The following EPB41L3 variants were observed in gnomAD, a reference collection of about 807,000 sequenced individuals.
EPB41L3 encodes band 4.1-like protein 3.
A neutral mutation model predicts 127.1 loss-of-function variants in EPB41L3; 57 were observed. That is an observed-to-expected ratio of 0.45 (90% CI 0.36 to 0.56). The LOEUF (loss-of-function observed/expected upper bound fraction) is 0.56, where lower values mean the gene tolerates loss of function less well. EPB41L3 is among the 20% of genes least tolerant of loss of function. The pLI, the probability that EPB41L3 is intolerant of heterozygous loss-of-function variation, is 0.00. For synonymous variants in EPB41L3, 572 were observed against 549.5 expected, an observed-to-expected ratio of 1.04 and a Z score of -0.57; for missense variants, 1,273 against 1,372.2, an observed-to-expected ratio of 0.93 and a Z score of 1.14.
intron 9 of EPB41L3, among the ~76,000 whole-genome samples, chr18:5,425,609 T>C (rs894161876): frequency 1.3e-5 from 2 of 152,200 alleles, no homozygotes; most frequent in African/African-American, 4.8e-5. Flanking sequence ...TAGGTATTAA[T>C]AGTTTATTAA....
chr18:5,574,840 T>C (rs2094321761), intron 3 of EPB41L3, among the ~76,000 whole-genome samples: 1 of 152,156 alleles, frequency 6.6e-6, no homozygotes, highest in Non-Finnish European at 1.5e-5. Flanking sequence ...TCTCTTAGCT[T>C]GGTATCATTT....
At chr18:5,588,802 G>C (rs1007313921) in intron 3 of EPB41L3, among the ~76,000 whole-genome samples, 6 of 152,024 alleles carry the variant, frequency 3.9e-5, no homozygotes, top group African/African-American at 4.8e-5. Context: ...TAGGCTTTAT[G>C]ATGAGTTGAA....
chr18:5,499,628 G>C (rs745593449), intron 1 of EPB41L3, among the ~76,000 whole-genome samples: 4 of 151,750 alleles, frequency 2.6e-5, no homozygotes, highest in South Asian at 4.2e-4. Context: ...TTAGCCGGGC[G>C]TGGTGGCGGG....
rs148753525 is a variant in EPB41L3, at chr18:5,610,360, G to A, written c.-306+1980C>T. The A allele has an allele frequency of 5.4e-6, 5 of 922,654 alleles. No homozygotes were observed. The African/African-American group carries it at 8.9e-5, about 17-fold the overall frequency. The allele number at this position is 922,654 out of a possible 1,614,324, so 57.2% of individuals were successfully genotyped here. On this transcript the variant is annotated intron_variant, in intron 3 of 21. Transcript: ENST00000545076. Reference sequence around the variant, plus strand: ...GAAGCCACCCCACTGCCAATACAGTGGGAGTTAAGGAGAAAGTTTCTGTAG... The same window carrying A: ...GAAGCCACCCCACTGCCAATACAGTAGGAGTTAAGGAGAAAGTTTCTGTAG...
At chr18:5,407,808 C>T (rs1330692339) in intron 14 of EPB41L3, 72 bp from the exon 15 acceptor site, 1 of 1,447,476 alleles carries the variant, frequency 6.9e-7, no homozygotes, top group East Asian at 2.3e-5. Flanking sequence ...GAACTATGGT[C>T]TACATAGACT....
chr18:5,462,678 A>T (rs914140073), intron 3 of EPB41L3, among the ~76,000 whole-genome samples: 3 of 152,098 alleles, frequency 2.0e-5, no homozygotes, highest in Non-Finnish European at 4.4e-5. Flanking sequence ...CCTACTTCAA[A>T]GGTTAGTATC....
At chr18:5,491,706 C>CT (rs1399483923) in intron 1 of EPB41L3, among the ~76,000 whole-genome samples, 1 of 152,136 alleles carries the variant, frequency 6.6e-6, no homozygotes, top group Non-Finnish European at 1.5e-5. Flanking sequence ...TTTTCCAGCA[C>CT]TATAGGCATA....
chr18:5,415,707 CAATA>C (rs1483039995), intron 13 of EPB41L3, 107 bp downstream of exon 13: 12 of 1,163,016 alleles, frequency 1.0e-5, no homozygotes, highest in African/African-American at 1.5e-5. Flanking sequence ...TTGGCACAGA[CAATA>C]AATGAGGCTC....
At chr18:5,620,326 T>C (rs935341042) in intron 1 of EPB41L3, among the ~76,000 whole-genome samples, 1 of 152,194 alleles carries the variant, frequency 6.6e-6, no homozygotes, top group Non-Finnish European at 1.5e-5. Flanking sequence ...AACTGTATAC[T>C]ACAGAGACCA....
chr18:5,433,849 C>T (rs561476061), intron 7 of EPB41L3, 54 bp downstream of exon 7: 12 of 1,572,432 alleles, frequency 7.6e-6, no homozygotes, highest in Middle Eastern at 1.7e-4. Context: ...GGGTTGTGTG[C>T]GGGACACTCT....
chr18:5,462,195 T>C (rs528240246), intron 3 of EPB41L3, among the ~76,000 whole-genome samples: 18 of 152,346 alleles, frequency 1.2e-4, no homozygotes, highest in African/African-American at 4.3e-4. Context: ...CTACTTCTAA[T>C]ATTCATCTTA....
intron 14 of EPB41L3, among the ~76,000 whole-genome samples, chr18:5,409,762 A>C (rs868036893): frequency 1.3e-5 from 2 of 151,852 alleles, no homozygotes; most frequent in Non-Finnish European, 2.9e-5. Context: ...CAAAGTAAAA[A>C]CTAAATTCTG....
chr18:5,489,370 G>C (rs1477049042), intron 1 of EPB41L3, 176 bp from the exon 2 acceptor site: 1 of 634,938 alleles, frequency 1.6e-6, no homozygotes. Flanking sequence ...CACTGAGATG[G>C]GTGCCCACCA....
chr18:5,594,014 G>A (rs184974715), intron 3 of EPB41L3, among the ~76,000 whole-genome samples: 58 of 152,166 alleles, frequency 3.8e-4, no homozygotes, highest in African/African-American at 1.4e-3. Context: ...TGCAGTTAAC[G>A]CAATTATCAC....
intron 3 of EPB41L3, among the ~76,000 whole-genome samples, chr18:5,605,539 T>C (rs2094641255): frequency 6.6e-6 from 1 of 152,076 alleles, no homozygotes; most frequent in Non-Finnish European, 1.5e-5. Context: ...CCACCACACC[T>C]GGCTGATGTT....
At position 5,415,970 on chromosome 18, in the gene EPB41L3, TG is replaced by T; in HGVS notation, c.1914del (p.Phe638LeufsTer37). The T allele has an allele frequency of 6.2e-7, 1 of 1,613,884 alleles. No individual in the cohort carries two copies. On this transcript the variant is annotated frameshift_variant, in exon 13 of 23. Coordinates refer to ENST00000341928, the MANE Select transcript of EPB41L3 (RefSeq NM_012307.5). LOFTEE classifies it high-confidence loss of function. Reference protein sequence around the residue: ...RSPSLVPCFLFIFFFLLSASF... With the variant: ...RSPSLVPCFLXIFFFLLSASF... ...GAGGCAGACAGCAGAAAGAAAAAGATGAAGAGGAAACAGGGCACAAGGGACG... is the reference window on the plus strand; with the variant it reads ...GAGGCAGACAGCAGAAAGAAAAAGATAAGAGGAAACAGGGCACAAGGGACG...
intron 3 of EPB41L3, among the ~76,000 whole-genome samples, chr18:5,611,253 T>C (rs1399675682): frequency 6.6e-6 from 1 of 152,206 alleles, no homozygotes; most frequent in Non-Finnish European, 1.5e-5. Flanking sequence ...ACGTGTCCAT[T>C]GATGGATGAA....
intron 1 of EPB41L3, among the ~76,000 whole-genome samples, chr18:5,507,017 A>G (rs963011995): frequency 2.6e-5 from 4 of 152,220 alleles, no homozygotes; most frequent in African/African-American, 9.6e-5. Flanking sequence ...ATGGGCTAGA[A>G]TTCTAGCCCT....
intron 1 of EPB41L3, among the ~76,000 whole-genome samples, chr18:5,513,289 A>C (rs2092618027): frequency 6.6e-6 from 1 of 152,222 alleles, no homozygotes. Flanking sequence ...AACCTAACCT[A>C]CGCTAATCAA....
Sources: allele counts gnomAD v4.1 joint callset (sites outside exome capture counted in the v4.1 genomes callset), GRCh38; gene constraint gnomAD v4.1.1; transcripts MANE v1.5; gene names NCBI Gene and HGNC (gene_info 2026-07-23, HGNC 2026-07-21).